ERC2: variants seen among roughly 807,000 people sequenced by gnomAD.
The protein encoded by ERC2 is ELKS/RAB6-interacting/CAST family member 2.
ERC2 carries 42 observed loss-of-function variants against 114.8 expected under a neutral mutation model. That is an observed-to-expected ratio of 0.37 (90% CI 0.29 to 0.47). The LOEUF (loss-of-function observed/expected upper bound fraction) is 0.47, where lower values mean the gene tolerates loss of function less well. Among genes scored for constraint, ERC2 ranks in the 20% least tolerant of loss-of-function variants. ERC2 has a pLI of 0.99. For missense variants in ERC2, 939 were observed against 1,150.7 expected, an observed-to-expected ratio of 0.82 and a Z score of 2.66; for synonymous variants, 454 against 425.5, an observed-to-expected ratio of 1.07 and a Z score of -0.82.
At chr3:55,520,384 C>T (rs1342721058) in intron 17 of ERC2, among the ~76,000 whole-genome samples, 2 of 140,766 alleles carry the variant, frequency 1.4e-5, no homozygotes, top group East Asian at 2.0e-4. Context: ...TGCAGTGAGC[C>T]GAGATCGTGC....
chr3:55,596,670 T>C (rs2058152511), intron 17 of ERC2, among the ~76,000 whole-genome samples: 1 of 152,014 alleles, frequency 6.6e-6, no homozygotes, highest in African/African-American at 2.4e-5. Context: ...AGGCTAAAAA[T>C]AAAAGGTTGG....
Position 56,296,145 on chromosome 3 carries a change from G to A in ERC2, c.948C>T (p.Gly316=), listed in dbSNP as rs375743908. The A allele has an allele frequency of 6.2e-7, 1 of 1,613,856 alleles. No individual in the cohort carries two copies. Among genetic ancestry groups the A allele is most frequent in the African/African-American group, 1.3e-5 (1 of 74,914 alleles). ...CATCCTCCAGGCTTTTGGATGGCAA[G>A]CCTTTACTTTGCAACATCTCAAGAA... is the stretch of plus-strand genomic sequence containing the variant. ...KKLLEMLQSK[G]LPSKSLEDDN... The change falls in exon 3 of 18, where the codon GGC becomes GGT. Residue 316 remains glycine (G), a synonymous_variant. Coordinates refer to ENST00000288221, the MANE Select transcript of ERC2 (RefSeq NM_015576.3).
chr3:55,537,389 C>T (rs1207603548), intron 17 of ERC2, among the ~76,000 whole-genome samples: 4 of 152,324 alleles, frequency 2.6e-5, no homozygotes, highest in Admixed American at 2.0e-4. Flanking sequence ...GATACCAGGC[C>T]TGAGACTTAA....
intron 14 of ERC2, among the ~76,000 whole-genome samples, chr3:55,821,562 C>G (rs561012819): frequency 4.0e-4 from 61 of 152,268 alleles, no homozygotes; most frequent in African/African-American, 1.3e-3. Flanking sequence ...GTGATGCACC[C>G]TAAAGGATGT....
chr3:55,524,195 G>A (rs2053154477), intron 17 of ERC2, among the ~76,000 whole-genome samples: 1 of 152,192 alleles, frequency 6.6e-6, no homozygotes, highest in Non-Finnish European at 1.5e-5. Flanking sequence ...CGCCCATACA[G>A]CAGAGAGCTG....
intron 5 of ERC2, among the ~76,000 whole-genome samples, chr3:56,143,039 A>T (rs188079553): frequency 6.6e-6 from 1 of 152,138 alleles, no homozygotes; most frequent in Non-Finnish European, 1.5e-5. Context: ...CTGAGAACAA[A>T]TTTTTTCATC....
In ERC2 at chr3:55,692,574, G is replaced by A. The variant is rs1200986731; in HGVS notation, c.2847+6804C>T. Among the ~76,000 whole-genome samples, 5 of 152,146 alleles carry A rather than the reference G, an allele frequency of 3.3e-5. 1 individual carries two copies. The highest frequency in any genetic ancestry group is 7.4e-5 in the Non-Finnish European group (5 of 68,016). The stretch of plus-strand genomic sequence containing the variant: ...CTCAGGTGTATGCAGAATGGACAGA[G>A]GTAGGAGGTGAGAGAGCAAAAGCCC... On this transcript the variant is annotated intron_variant, in intron 16 of 17. Coordinates refer to ENST00000288221, the MANE Select transcript of ERC2 (RefSeq NM_015576.3).
chr3:55,605,194 C>A (rs146048198), intron 17 of ERC2, among the ~76,000 whole-genome samples: 1 of 151,898 alleles, frequency 6.6e-6, no homozygotes, highest in East Asian at 1.9e-4. Context: ...TGGCTCAGTG[C>A]AGCCTTGAAC....
chr3:56,157,081 G>A (rs762631375), intron 4 of ERC2, among the ~76,000 whole-genome samples: 15 of 152,108 alleles, frequency 9.9e-5, no homozygotes, highest in African/African-American at 1.2e-4. Flanking sequence ...ACTTACAGAT[G>A]GTAAATAACT....
chr3:56,190,677 G>T (rs1386359630), intron 3 of ERC2, among the ~76,000 whole-genome samples: 2 of 152,094 alleles, frequency 1.3e-5, no homozygotes, highest in Non-Finnish European at 2.9e-5. Flanking sequence ...GGGTTCAAGT[G>T]ATCCTCCCAC....
At chr3:56,019,589 G>A (rs1402960608) in intron 7 of ERC2, among the ~76,000 whole-genome samples, 1 of 152,148 alleles carries the variant, frequency 6.6e-6, no homozygotes, top group Non-Finnish European at 1.5e-5. Context: ...CCAGCAGACT[G>A]TTAATGGGAA....
chr3:56,372,213 T>C (rs1418118023), intron 2 of ERC2, among the ~76,000 whole-genome samples: 1 of 152,256 alleles, frequency 6.6e-6, no homozygotes, highest in African/African-American at 2.4e-5. Flanking sequence ...TTCCCACTGA[T>C]GGTAAATTAT....
chr3:55,762,251 G>A lies in ERC2; in HGVS notation c.2565-27333C>T, dbSNP rs115079109. ...ACTGAGTTAAATAATCGGATTTAAT[G>A]TAAGGATGGACTATTCTAAACATTT... On this transcript the variant is annotated intron_variant, in intron 14 of 17. Transcript: ENST00000288221. Among the ~76,000 whole-genome samples the A allele has an allele frequency of 3.2e-3, 492 of 152,250 alleles. 1 individual carries two copies. The highest frequency in any genetic ancestry group is 5.7e-3 in the Non-Finnish European group (390 of 68,026).
At position 56,159,397 on chromosome 3, in the gene ERC2, G is replaced by A. The variant is rs142414845; in HGVS notation, c.1150-10265C>T. ...GTCAACATTTTAGTACATTTTCCCC[G>A]AAGTTGTTATTCTACATTGATAAAT... On this transcript the variant is annotated intron_variant, in intron 4 of 17. Transcript: ENST00000288221. 3.3e-3 allele frequency among the ~76,000 whole-genome samples: 497 copies of A among 152,198 alleles called. 2 individuals are homozygous for A. The highest frequency in any genetic ancestry group is 0.011 in the African/African-American group (457 of 41,536).
At chr3:55,564,015 TCTTA>T (rs1441278370) in intron 17 of ERC2, among the ~76,000 whole-genome samples, 9 of 152,242 alleles carry the variant, frequency 5.9e-5, no homozygotes, top group African/African-American at 2.2e-4. Context: ...ATGACACGGT[TCTTA>T]CTTCAAAGGA....
intron 2 of ERC2, among the ~76,000 whole-genome samples, chr3:56,380,482 C>T (rs1216540434): frequency 1.3e-5 from 2 of 152,012 alleles, no homozygotes; most frequent in African/African-American, 2.4e-5. Context: ...GCCACAATCA[C>T]CTTTTGTGTC....
At chr3:55,534,041 G>A (rs916446424) in intron 17 of ERC2, among the ~76,000 whole-genome samples, 3 of 152,066 alleles carry the variant, frequency 2.0e-5, no homozygotes, top group Admixed American at 2.0e-4. Context: ...CATCCTCTCC[G>A]AAAGCCCAGC....
chr3:55,836,163 A>G (rs1286776347), intron 14 of ERC2, among the ~76,000 whole-genome samples: 1 of 152,150 alleles, frequency 6.6e-6, no homozygotes, highest in Non-Finnish European at 1.5e-5. Flanking sequence ...AATATCGTGA[A>G]AATGGCCATA....
At chr3:56,197,832 C>T (rs1449740332) in intron 3 of ERC2, among the ~76,000 whole-genome samples, 1 of 152,204 alleles carries the variant, frequency 6.6e-6, no homozygotes, top group Non-Finnish European at 1.5e-5. Flanking sequence ...CTAGATACTT[C>T]CAAATTTTTC....
Sources: allele counts gnomAD v4.1 joint callset (sites outside exome capture counted in the v4.1 genomes callset), GRCh38; gene constraint gnomAD v4.1.1; transcripts MANE v1.5; gene names NCBI Gene and HGNC (gene_info 2026-07-23, HGNC 2026-07-21).